Variants in KCNJ16 observed in about 807,000 individuals in gnomAD.
KCNJ16 encodes inward rectifier potassium channel 16.
In KCNJ16, 15 loss-of-function variants were observed where a neutral mutation model predicts 18.5. That is an observed-to-expected ratio of 0.81 (90% CI 0.54 to 1.25). The LOEUF is 1.25. KCNJ16 is among the 50% of genes most tolerant of loss of function. KCNJ16 has a pLI of 0.00. For missense variants in KCNJ16, 523 were observed against 525.7 expected (o/e 0.99, Z 0.05); for synonymous variants, 174 against 186.5 (o/e 0.93, Z 0.55).
intron 2 of KCNJ16, chr17:70,108,159 G>A (rs2073018115): frequency 2.6e-5 from 4 of 152,354 alleles, no homozygotes; most frequent in Admixed American, 2.0e-4. Context: ...ACCAATTGCA[G>A]CCAGGGCCAT....
chr17:70,108,519 A>G lies in KCNJ16; in HGVS notation c.-191+7753A>G, dbSNP rs2073036658. ...TTGATATCTATAAATGACCACATCA[A>G]CATATCTGCTTTAAAGTGGCCGTGT... On this transcript the variant is annotated intron_variant, in intron 2 of 3. Coordinates refer to ENST00000392671, the MANE Select transcript of KCNJ16 (RefSeq NM_170741.4). The G allele has an allele frequency of 4.6e-5, 7 of 152,012 alleles. No homozygotes were observed. The South Asian group carries it at 1.5e-3, about 32-fold the overall frequency. 9.4% of individuals were successfully genotyped at this position (152,012 alleles called of 1,614,324 possible).
At chr17:70,131,104 A>G (rs2074039508) in intron 3 of KCNJ16, 129 bp downstream of exon 3, 3 of 1,034,846 alleles carry the variant, frequency 2.9e-6, no homozygotes, top group Non-Finnish European at 4.3e-6. Flanking sequence ...GTTCAATTGT[A>G]GCGTGCTCCC....
intron 2 of KCNJ16, among the ~76,000 whole-genome samples, chr17:70,126,971 T>C (rs2073876518): frequency 6.7e-6 from 1 of 150,238 alleles, no homozygotes; most frequent in Non-Finnish European, 1.5e-5. Context: ...ATAACGTTAC[T>C]AGTGATGCTG....
At chr17:70,097,697 A>G (rs946446149) in intron 1 of KCNJ16, among the ~76,000 whole-genome samples, 2 of 152,154 alleles carry the variant, frequency 1.3e-5, no homozygotes, top group African/African-American at 2.4e-5. Context: ...CAGGGAAAAT[A>G]AAATCACAAA....
intron 2 of KCNJ16, among the ~76,000 whole-genome samples, chr17:70,116,107 A>T (rs2073392885): frequency 6.6e-6 from 1 of 152,178 alleles, no homozygotes; most frequent in Admixed American, 6.5e-5. Flanking sequence ...AAAAAGGGAA[A>T]ACTAATCACA....
At position 70,132,939 on chromosome 17, in the gene KCNJ16, T is replaced by C. The variant is rs371524728; in HGVS notation, c.852T>C (p.Tyr284=). The change falls in exon 4 of 4, where the codon TAT becomes TAC. Residue 284 remains tyrosine, a synonymous_variant. Transcript: ENST00000392671. ...DNFEILVTFI[Y]TGDSTGTSHQ... ...TTGAGATTTTGGTGACATTTATCTA[T>C]ACTGGTGATTCCACTGGAACATCTC... 7 of 1,614,214 alleles carry C rather than the reference T, an allele frequency of 4.3e-6. No individual in the cohort carries two copies. The highest frequency in any genetic ancestry group is 2.2e-5 in the East Asian group (1 of 44,890).
intron 1 of KCNJ16, among the ~76,000 whole-genome samples, chr17:70,092,566 TATAGATAGATAGATAG>T (rs71149816): frequency 5.8e-5 from 6 of 102,600 alleles, no homozygotes; most frequent in African/African-American, 1.8e-4. Context: ...AGATGATAGA[TATAGATAGATAGATAG>T]ATAGATAGAT....
intron 1 of KCNJ16, among the ~76,000 whole-genome samples, chr17:70,096,456 A>T (rs568614067): frequency 4.3e-4 from 29 of 67,184 alleles, no homozygotes; most frequent in South Asian, 1.2e-3. Flanking sequence ...TTATGAACTT[A>T]TTTAATTTTT....
intron 2 of KCNJ16, among the ~76,000 whole-genome samples, chr17:70,125,145 A>C (rs34900094): frequency 0.2 from 30,698 of 151,922 alleles, 3,566 homozygotes; most frequent in East Asian, 0.39. Flanking sequence ...ACACATCTAC[A>C]GTCCCAGCTA....
intron 2 of KCNJ16, among the ~76,000 whole-genome samples, chr17:70,108,049 A>G (rs1451317794): frequency 2.6e-5 from 4 of 152,174 alleles, no homozygotes; most frequent in East Asian, 1.9e-4. Context: ...TGTAAAATTC[A>G]TAAGCAGATT....
chr17:70,113,246 G>T (rs1343369746), intron 2 of KCNJ16, among the ~76,000 whole-genome samples: 2 of 152,102 alleles, frequency 1.3e-5, no homozygotes, highest in Non-Finnish European at 2.9e-5. Context: ...TTAAATGCTG[G>T]GAAAAGTCTT....
intron 1 of KCNJ16, chr17:70,096,951 G>A (rs978101439): frequency 1.3e-5 from 5 of 398,136 alleles, no homozygotes; most frequent in African/African-American, 1.0e-4. Flanking sequence ...CAACTGAAGA[G>A]GTAACATGTC....
intron 1 of KCNJ16, among the ~76,000 whole-genome samples, chr17:70,093,318 C>G (rs2072208668): frequency 6.6e-6 from 1 of 152,072 alleles, no homozygotes; most frequent in Admixed American, 6.5e-5. Flanking sequence ...CCTTCTGAAG[C>G]CTCTAAGGGA....
intron 2 of KCNJ16, among the ~76,000 whole-genome samples, chr17:70,110,696 T>A (rs565206870): frequency 6.6e-6 from 1 of 152,292 alleles, no homozygotes; most frequent in South Asian, 2.1e-4. Context: ...TCCTTTTGTG[T>A]TAAAACACTT....
At chr17:70,105,494 A>G (rs1418812936) in intron 2 of KCNJ16, among the ~76,000 whole-genome samples, 1 of 152,200 alleles carries the variant, frequency 6.6e-6, no homozygotes, top group African/African-American at 2.4e-5. Flanking sequence ...CCACTGTTGC[A>G]AAGTGACAGC....
chr17:70,090,907 G>A (rs77146681), intron 1 of KCNJ16, among the ~76,000 whole-genome samples: 2,191 of 152,294 alleles, frequency 0.014, 49 homozygotes, highest in African/African-American at 0.049. Flanking sequence ...TTGTGGCTAT[G>A]AAACAAAGAT....
At chr17:70,120,930 G>A (rs1052883009) in intron 2 of KCNJ16, among the ~76,000 whole-genome samples, 1 of 152,190 alleles carries the variant, frequency 6.6e-6, no homozygotes, top group Non-Finnish European at 1.5e-5. Context: ...CAAGAAACCA[G>A]TTAGACTTAA....
In KCNJ16 at chr17:70,132,605, C is replaced by CA. The variant is rs1216212587; in HGVS notation, c.520dup (p.Thr174AsnfsTer32). 1 of 1,614,082 alleles carries CA rather than the reference C, an allele frequency of 6.2e-7. No homozygotes were observed. The highest frequency in any genetic ancestry group is 8.5e-7 in the Non-Finnish European group (1 of 1,180,034). On this transcript the variant is annotated frameshift_variant, in exon 4 of 4. Transcript: ENST00000392671. LOFTEE classifies it high-confidence loss of function. ...ATTGGAGCTGCCTTGGCCAAAATGG[C>CA]AACTGCTCGAAAGAGAGCCCAAACC...
Position 70,132,784 on chromosome 17 carries a change from A to G in KCNJ16, c.697A>G (p.Met233Val), listed in dbSNP as rs151272014. The change falls in exon 4 of 4, where the codon ATG (methionine) becomes GTG (valine). Residue 233 changes from methionine (M) to valine (V), a missense_variant. Coordinates refer to ENST00000392671, the MANE Select transcript of KCNJ16 (RefSeq NM_170741.4). ...AGAAGACAGTGAAGGGAGGATGACG[A>G]TGGCATTTAAAGACCTCAAATTAGT... Reference protein sequence around the residue: ...YTEDSEGRMTMAFKDLKLVND... With the variant: ...YTEDSEGRMTVAFKDLKLVND... The G allele has an allele frequency of 6.4e-5, 104 of 1,614,002 alleles. No individual in the cohort carries two copies. The Middle Eastern group carries it at 6.6e-4, about 10-fold the overall frequency.
Sources: allele counts gnomAD v4.1 joint callset (sites outside exome capture counted in the v4.1 genomes callset), GRCh38; gene constraint gnomAD v4.1.1; transcripts MANE v1.5; gene names NCBI Gene and HGNC (gene_info 2026-07-23, HGNC 2026-07-21).